The following IFT140 variants were observed in gnomAD, a reference collection of about 807,000 sequenced individuals.
IFT140 encodes intraflagellar transport 140, also known as intraflagellar transport protein 140 homolog.
Under a neutral mutation model 164.6 loss-of-function variants are expected in IFT140, and 133 were observed. The observed-to-expected ratio is 0.81, with a 90% CI of 0.70 to 0.93. The LOEUF (loss-of-function observed/expected upper bound fraction) is 0.93, where lower values mean the gene tolerates loss of function less well. Among genes scored for constraint, IFT140 ranks in the 40% least tolerant of loss-of-function variants. The pLI is 0.00. For synonymous variants in IFT140, 860 were observed against 817.3 expected, an observed-to-expected ratio of 1.05 and a Z score of -0.89; for missense variants, 2,045 against 1,972.3, an observed-to-expected ratio of 1.04 and a Z score of -0.70.
At chr16:1,589,494 G>A in intron 7 of IFT140, 111 bp downstream of exon 7, 1 of 1,102,860 alleles carries the variant, frequency 9.1e-7, no homozygotes, top group East Asian at 2.4e-5. Flanking sequence ...TAACTCAGTT[G>A]ATAGGCTTTT....
intron 5 of IFT140, 68 bp downstream of exon 5, chr16:1,592,399 A>G (rs1001270646): frequency 7.4e-5 from 119 of 1,610,746 alleles, no homozygotes; most frequent in Middle Eastern, 5.0e-4. Flanking sequence ...CTGGGTCAGG[A>G]GCAGCCCGCT....
At chr16:1,589,562 C>T in intron 7 of IFT140, 43 bp downstream of exon 7, 2 of 1,595,534 alleles carry the variant, frequency 1.3e-6, no homozygotes, top group East Asian at 2.2e-5. Flanking sequence ...GAGAACCTGG[C>T]CCAAGATCCC....
chr16:1,585,670 A>G (rs188119768), intron 10 of IFT140, among the ~76,000 whole-genome samples: 1 of 152,162 alleles, frequency 6.6e-6, no homozygotes, highest in East Asian at 1.9e-4. Flanking sequence ...GAAATCCAAA[A>G]GGTCTTTTAA....
chr16:1,542,569 T>C (rs1268067391), intron 19 of IFT140, among the ~76,000 whole-genome samples: 1 of 152,230 alleles, frequency 6.6e-6, no homozygotes, highest in Non-Finnish European at 1.5e-5. Context: ...TGCTCTGTTA[T>C]AAACGCAGCT....
chr16:1,572,134 G>A (rs185764237), intron 13 of IFT140, among the ~76,000 whole-genome samples: 64 of 152,282 alleles, frequency 4.2e-4, no homozygotes, highest in Non-Finnish European at 7.6e-4. Flanking sequence ...TAAGTGTGTG[G>A]GTATTTCAGT....
At position 1,523,846 on chromosome 16, in the gene IFT140, C is replaced by T. The variant is rs375975334; in HGVS notation, c.3252G>A (p.Ala1084=). The stretch of plus-strand genomic sequence containing the variant: ...CCCTCACCTTGTGGTACAGCATGAC[C>T]GCCCTGTCCATCTGCACGCCCTTCT... ...YEEKGVQMDR[A]VMLYHKAGHF... The change falls in exon 25 of 31, where the codon GCG becomes GCA. Residue 1084 remains alanine, a synonymous_variant. Coordinates refer to ENST00000426508, the MANE Select transcript of IFT140 (RefSeq NM_014714.4). 115 of 1,613,096 alleles carry T rather than the reference C, an allele frequency of 7.1e-5. No homozygotes were observed. Among genetic ancestry groups the T allele is most frequent in the Middle Eastern group, 1.6e-4 (1 of 6,084 alleles).
rs775630184 is a variant in IFT140 at position 1,566,284 on chromosome 16, T to G, written c.1778A>C (p.Asn593Thr). The change falls in exon 16 of 31, where the codon AAC becomes ACC. Residue 593 changes from asparagine to threonine, a missense_variant. Asn to Thr is a moderately conservative substitution (Grantham distance 65). Transcript: ENST00000426508. ...GAAGCAGATTTTGGAATCAGGGCTGTTGTCAGCCTAGGAGAAGAGAAAACC... is the reference window on the plus strand; with the variant it reads ...GAAGCAGATTTTGGAATCAGGGCTGGTGTCAGCCTAGGAGAAGAGAAAACC... ...TISILPSKAD[N>T]SPDSKICFYD... 3.1e-6 allele frequency: 5 copies of G among 1,613,358 alleles called. No individual in the cohort carries two copies. Among genetic ancestry groups the G allele is most frequent in the Middle Eastern group, 3.3e-4 (2 of 6,054 alleles).
Position 1,557,988 on chromosome 16 carries a change from A to T in IFT140, c.2346T>A (p.Phe782Leu). Residue 782 changes from phenylalanine to leucine, a missense_variant, in exon 19 of 31, where the codon TTT (phenylalanine) becomes TTA (leucine). Coordinates refer to ENST00000426508, the MANE Select transcript of IFT140 (RefSeq NM_014714.4). ...TRDAMLHFSF[F>L]VTIGDMDEAF... ...CTTCGTCCATGTCTCCTATGGTGAC[A>T]AAGAAGCTGAAGTGGAGCATGGCGT... 6.2e-7 allele frequency: 1 copy of T among 1,613,948 alleles called. No homozygotes were observed. Among genetic ancestry groups the T allele is most frequent in the African/African-American group, 1.3e-5 (1 of 75,038 alleles).
chr16:1,512,199 TGGGTGGGGGGCA>T (rs2040187320), intron 30 of IFT140, among the ~76,000 whole-genome samples: 1 of 6,386 alleles, frequency 1.6e-4, no homozygotes, highest in Non-Finnish European at 3.2e-4. Context: ...GCGGCATAGG[TGGGTGGGGGGCA>T]GGATGGGGGG....
At chr16:1,526,554 C>T (rs1329217140) in intron 20 of IFT140, 65 bp downstream of exon 20, 4 of 1,417,090 alleles carry the variant, frequency 2.8e-6, no homozygotes, top group Non-Finnish European at 3.7e-6. Flanking sequence ...TCCTCCTTCC[C>T]CAGGGGGCCG....
intron 15 of IFT140, among the ~76,000 whole-genome samples, chr16:1,567,739 C>G (rs1392912413): frequency 6.6e-6 from 1 of 152,212 alleles, no homozygotes; most frequent in South Asian, 2.1e-4. Flanking sequence ...CTCCAAACAG[C>G]GCTGCCATGC....
Position 1,553,178 on chromosome 16 carries a change from C to G in IFT140, c.2399+4757G>C, listed in dbSNP as rs2032811713. ...CAAGGCTGGTTACCCATCTCTTGCT[C>G]TCTGTCTCTCCTTCCCTGTGTCTCT... On this transcript the variant is annotated intron_variant, in intron 19 of 30. Coordinates refer to ENST00000426508, the MANE Select transcript of IFT140 (RefSeq NM_014714.4). This position sits in a 1 kb window ranked among gnomAD's most constrained non-coding sequence, Gnocchi z 4.4. 1 of 985,146 alleles carries G rather than the reference C, an allele frequency of 1.0e-6. No homozygotes were observed. The highest frequency in any genetic ancestry group is 1.7e-5 in the African/African-American group (1 of 57,216). 61.0% of individuals were successfully genotyped at this position (985,146 alleles called of 1,614,324 possible). A position where few individuals can be genotyped will look rare whatever the true frequency, so the allele number is the denominator to read the frequency against.
At chr16:1,516,034 G>A (rs753464640) in intron 30 of IFT140, among the ~76,000 whole-genome samples, 4 of 151,444 alleles carry the variant, frequency 2.6e-5, no homozygotes, top group Non-Finnish European at 4.4e-5. Context: ...CAGCTACTCC[G>A]GAGGCTGAGG....
Position 1,525,303 on chromosome 16 carries a change from C to T in IFT140, c.2792G>A (p.Arg931His), listed in dbSNP as rs200088700. The T allele has an allele frequency of 1.4e-5, 22 of 1,612,236 alleles. No individual in the cohort carries two copies. The highest frequency in any genetic ancestry group is 1.2e-4 in the South Asian group (11 of 91,074). Residue 931 changes from arginine to histidine, a missense_variant, in exon 22 of 31, where the codon CGC becomes CAC. Coordinates refer to ENST00000426508, the MANE Select transcript of IFT140 (RefSeq NM_014714.4). ...CGACAGCATCCTGGGCACCTCGAAG[C>T]GGTGCGTGTCCGACTTCTCGTAGCT... Reference protein sequence around the residue: ...LSYYEKSDTHRFEVPRMLSED... With the variant: ...LSYYEKSDTHHFEVPRMLSED...
chr16:1,541,971 A>G (rs2141291321), intron 19 of IFT140: 6 of 1,610,628 alleles, frequency 3.7e-6, no homozygotes, highest in Non-Finnish European at 5.1e-6. Flanking sequence ...GGCCGCGCTC[A>G]CCGCAGGCCA....
chr16:1,547,322 T>C (rs1751588315), intron 19 of IFT140, among the ~76,000 whole-genome samples: 1 of 152,210 alleles, frequency 6.6e-6, no homozygotes. Context: ...AAGTCCGCTC[T>C]TCGTGTTTTA....
chr16:1,539,011 C>T (rs1055381217), intron 19 of IFT140, among the ~76,000 whole-genome samples: 1 of 152,144 alleles, frequency 6.6e-6, no homozygotes, highest in Non-Finnish European at 1.5e-5. Context: ...CCACGCGGCC[C>T]CCCACCTCAG....
chr16:1,537,581 CA>C (rs923565086), intron 19 of IFT140, among the ~76,000 whole-genome samples: 19 of 152,328 alleles, frequency 1.2e-4, no homozygotes, highest in African/African-American at 4.6e-4. Context: ...CATTACGGAT[CA>C]GGGGTGCTCT....
At chr16:1,575,191 A>G (rs1207670625) in intron 13 of IFT140, among the ~76,000 whole-genome samples, 4 of 149,464 alleles carry the variant, frequency 2.7e-5, no homozygotes, top group African/African-American at 9.9e-5. Context: ...GTGAGACCCC[A>G]TGTCTACAAA....
Sources: gnomAD v4.1 joint callset for allele counts (sites outside exome capture counted in the v4.1 genomes callset) on GRCh38, gnomAD v4.1.1 for gene constraint, Gnocchi (gnomAD v3.1) non-coding constraint, MANE v1.5 for transcripts, NCBI Gene and HGNC (gene_info 2026-07-23, HGNC 2026-07-21) for gene names.